Variants in UGT1A8 observed in about 807,000 individuals in gnomAD.
UGT1A8 encodes UDP-glucuronosyltransferase 1A8.
UGT1A8 carries 39 observed loss-of-function variants against 45.3 expected under a neutral mutation model. The ratio of observed to expected loss-of-function variants is 0.86; its 90% CI spans 0.67 to 1.12. UGT1A8 has a LOEUF of 1.12. Among genes scored for constraint, UGT1A8 ranks in the 50% most tolerant of loss-of-function variants. The pLI, the probability that UGT1A8 is intolerant of heterozygous loss-of-function variation, is 0.00. For missense variants in UGT1A8, 719 were observed against 664.9 expected (o/e 1.08, Z -0.90); for synonymous variants, 275 against 249.2 (o/e 1.10, Z -0.97).
chr2:233,660,137 C>T (rs1163572507), intron 1 of UGT1A8, among the ~76,000 whole-genome samples: 5 of 152,186 alleles, frequency 3.3e-5, no homozygotes, highest in Admixed American at 6.5e-5. Flanking sequence ...TTTTCTGCAG[C>T]GATAATGTAT....
chr2:233,688,222 A>G (rs1197444808), intron 1 of UGT1A8, among the ~76,000 whole-genome samples: 1 of 152,228 alleles, frequency 6.6e-6, no homozygotes, highest in East Asian at 1.9e-4. Context: ...TGGCTTATCC[A>G]TGTTGTAGCA....
intron 1 of UGT1A8, chr2:233,747,681 T>G (rs1693750357): frequency 1.2e-6 from 2 of 1,608,352 alleles, no homozygotes; most frequent in Admixed American, 1.7e-5. Flanking sequence ...AATTTACCTC[T>G]GTGGGGCAGT....
intron 1 of UGT1A8, among the ~76,000 whole-genome samples, chr2:233,699,349 C>A (rs951769721): frequency 6.6e-6 from 1 of 152,184 alleles, no homozygotes; most frequent in African/African-American, 2.4e-5. Context: ...TAGGGCTAAC[C>A]TCTTTTCTTA....
At position 233,760,866 on chromosome 2, in the gene UGT1A8, G is replaced by A. The variant is rs1437871677; in HGVS notation, c.856-6168G>A. On this transcript the variant is annotated intron_variant, in intron 1 of 4. Transcript: ENST00000373450. ...AGTGCCCCAACCCATTCTCCTACGT[G>A]CCCAGGCCTCTCTCCTCTCATTCAG... is the stretch of plus-strand genomic sequence containing the variant. 3.7e-6 allele frequency: 6 copies of A among 1,613,948 alleles called. No homozygotes were observed. In the African/African-American group the frequency reaches 8.0e-5, roughly 22 times the overall value.
intron 1 of UGT1A8, among the ~76,000 whole-genome samples, chr2:233,644,995 A>C (rs1254283503): frequency 6.6e-6 from 1 of 152,154 alleles, no homozygotes; most frequent in Non-Finnish European, 1.5e-5. Context: ...CTGATTGAGA[A>C]GCTGAATTAG....
chr2:233,731,043 C>T (rs765332681), intron 1 of UGT1A8, among the ~76,000 whole-genome samples: 13 of 152,202 alleles, frequency 8.5e-5, no homozygotes, highest in East Asian at 1.9e-4. Context: ...TCATATTCAC[C>T]GAATGTGTAT....
At chr2:233,667,824 A>G (rs1485453746) in intron 1 of UGT1A8, among the ~76,000 whole-genome samples, 1 of 152,230 alleles carries the variant, frequency 6.6e-6, no homozygotes, top group Admixed American at 6.5e-5. Flanking sequence ...AATCAAAACC[A>G]CAATGAGATA....
rs563379744 is a variant in UGT1A8, at chr2:233,630,649, G to A, written c.855+12087G>A. On this transcript the variant is annotated intron_variant, in intron 1 of 4. Transcript: ENST00000373450. ...AGGAAGCTTACAATCATGACAGAAG[G>A]TGATGGAGAGCTGGCATGTCACATG... 4.5e-4 allele frequency among the ~76,000 whole-genome samples: 68 copies of A among 152,196 alleles called. No homozygotes were observed. The Middle Eastern group carries it at 0.01, about 23-fold the overall frequency.
intron 1 of UGT1A8, among the ~76,000 whole-genome samples, chr2:233,633,866 G>A (rs540765366): frequency 6.6e-6 from 1 of 151,946 alleles, no homozygotes; most frequent in Non-Finnish European, 1.5e-5. Context: ...GAATTTGTTT[G>A]CTCTTGCTTC....
chr2:233,618,732 T>C (rs1367662705), intron 1 of UGT1A8, among the ~76,000 whole-genome samples, 170 bp downstream of exon 1: 1 of 152,226 alleles, frequency 6.6e-6, no homozygotes, highest in Non-Finnish European at 1.5e-5. Context: ...TCAAATTTTA[T>C]AAAACTGCCC....
chr2:233,750,277 G>T (rs1168754564), intron 1 of UGT1A8, among the ~76,000 whole-genome samples: 1 of 151,936 alleles, frequency 6.6e-6, no homozygotes, highest in Admixed American at 6.5e-5. Context: ...TTAGCAAAGA[G>T]ACTGGTGGCA....
rs779826535 is a variant in UGT1A8 at position 233,768,441 on chromosome 2, TAAGA to T, written c.1295+8_1295+11del. ...AAAAGCAGTCATCAATGACAAAAGGTAAGAAAGAAGATACAGAAGAATACTTTGG... is the reference window on the plus strand; with the variant it reads ...AAAAGCAGTCATCAATGACAAAAGGTAAGAAGATACAGAAGAATACTTTGG... On this transcript the variant is annotated splice_donor_5th_base_variant and intron_variant, in intron 4 of 4. Coordinates refer to ENST00000373450, the MANE Select transcript of UGT1A8 (RefSeq NM_019076.5). 2 of 1,613,308 alleles carry T rather than the reference TAAGA, an allele frequency of 1.2e-6. No individual in the cohort carries two copies. Among genetic ancestry groups the T allele is most frequent in the Non-Finnish European group, 1.7e-6 (2 of 1,179,602 alleles).
intron 1 of UGT1A8, among the ~76,000 whole-genome samples, chr2:233,625,644 A>G (rs771512275): frequency 2.0e-5 from 3 of 151,834 alleles, no homozygotes; most frequent in Non-Finnish European, 4.4e-5. Flanking sequence ...TTGTAACAAC[A>G]TGGATGCAGC....
intron 1 of UGT1A8, among the ~76,000 whole-genome samples, chr2:233,703,760 T>C (rs973851910): frequency 1.3e-5 from 2 of 152,206 alleles, no homozygotes; most frequent in African/African-American, 2.4e-5. Flanking sequence ...ATGTATCTTC[T>C]GCAGACAAGA....
rs551497641 is a variant in UGT1A8 at position 233,769,657 on chromosome 2, C to T, written c.1295+1218C>T. ...GGGAGGACTGATGACTGACTTCCCA[C>T]CTTTGAGGTGCTAATGTGTGTGTGG... On this transcript the variant is annotated intron_variant, in intron 4 of 4. Transcript: ENST00000373450. This position sits in a 1 kb window ranked among gnomAD's most constrained non-coding sequence, Gnocchi z 4.4. 6.2e-7 allele frequency: 1 copy of T among 1,602,246 alleles called. No individual in the cohort carries two copies. Among genetic ancestry groups the T allele is most frequent in the African/African-American group, 1.3e-5 (1 of 74,712 alleles).
intron 1 of UGT1A8, among the ~76,000 whole-genome samples, chr2:233,642,335 T>A (rs1439913017): frequency 6.6e-6 from 1 of 152,228 alleles, no homozygotes; most frequent in Admixed American, 6.5e-5. Flanking sequence ...ATTGCATTTT[T>A]CAGCTCCAGA....
At chr2:233,751,464 G>A (rs575888468) in intron 1 of UGT1A8, among the ~76,000 whole-genome samples, 3 of 152,310 alleles carry the variant, frequency 2.0e-5, no homozygotes, top group East Asian at 1.9e-4. Flanking sequence ...GGGAAGGCAC[G>A]ATTGGTTTTG....
At chr2:233,680,326 C>A (rs1013863860) in intron 1 of UGT1A8, among the ~76,000 whole-genome samples, 4 of 152,100 alleles carry the variant, frequency 2.6e-5, no homozygotes, top group Admixed American at 2.0e-4. Context: ...AGAGAAGAAA[C>A]GCGCAGAGGG....
At chr2:233,647,915 T>C in intron 1 of UGT1A8, 1 of 1,594,216 alleles carries the variant, frequency 6.3e-7, no homozygotes, top group South Asian at 1.1e-5. Context: ...CCAGGGAAGG[T>C]AGATCACTCA....
Sources: allele counts gnomAD v4.1 joint callset (sites outside exome capture counted in the v4.1 genomes callset), GRCh38; gene constraint gnomAD v4.1.1; non-coding constraint Gnocchi (gnomAD v3.1); transcripts MANE v1.5; gene names NCBI Gene and HGNC (gene_info 2026-07-23, HGNC 2026-07-21).